The following SPAG17 variants were observed in gnomAD, a reference collection of about 807,000 sequenced individuals.
SPAG17 encodes the protein sperm-associated antigen 17.
In SPAG17, 169 loss-of-function variants were observed where a neutral mutation model predicts 273.6. That is an observed-to-expected ratio of 0.62 (90% confidence interval 0.55 to 0.70). The LOEUF is 0.70. Among genes scored for constraint, SPAG17 ranks in the 30% least tolerant of loss-of-function variants. SPAG17 has a pLI of 0.00. For missense variants in SPAG17, 2,557 were observed against 2,627.8 expected (o/e 0.97, Z 0.59); for synonymous variants, 825 against 873.2 (o/e 0.94, Z 0.97).
intron 3 of SPAG17, among the ~76,000 whole-genome samples, chr1:118,127,572 A>T (rs1442173521): frequency 7.2e-5 from 11 of 152,314 alleles, no homozygotes. Context: ...TGCCTCCAAC[A>T]GTGGGGGTTA....
chr1:117,979,947 T>C lies in SPAG17; in HGVS notation c.6004+1323A>G, dbSNP rs1350413635. Among the ~76,000 whole-genome samples the C allele has an allele frequency of 3.3e-5, 5 of 152,364 alleles. No individual in the cohort carries two copies. In the East Asian group the frequency reaches 9.6e-4, roughly 29 times the overall value. On this transcript the variant is annotated intron_variant, in intron 43 of 48. Transcript: ENST00000336338. ...GTCCATACATTGTACTGTTTTATTA[T>C]GTCATAATATTTATTACAACCTGAA...
rs781571632 is a variant in SPAG17, at chr1:118,028,288, C to A, written c.3716G>T (p.Gly1239Val). 6.2e-7 allele frequency: 1 copy of A among 1,613,488 alleles called. No individual in the cohort carries two copies. Among genetic ancestry groups the A allele is most frequent in the East Asian group, 2.2e-5 (1 of 44,868 alleles). Residue 1239 changes from glycine to valine, a missense_variant, in exon 26 of 49, where the codon GGA becomes GTA. Coordinates refer to ENST00000336338, the MANE Select transcript of SPAG17 (RefSeq NM_206996.4). ...ATAGCACTTACCTGTAGATTCTTGT[C>A]CAATGAAAGTCAACAGGAGCCCACT... ...CPSGLLLTFI[G>V]QESTGQYVID...
intron 34 of SPAG17, 144 bp downstream of exon 34, chr1:117,996,226 C>A: frequency 2.2e-6 from 2 of 894,488 alleles, no homozygotes; most frequent in South Asian, 2.2e-5. Context: ...TTCATGTCAA[C>A]TTATTTCTGC....
At chr1:118,052,723 T>G (rs935882750) in intron 20 of SPAG17, among the ~76,000 whole-genome samples, 1 of 151,982 alleles carries the variant, frequency 6.6e-6, no homozygotes, top group Non-Finnish European at 1.5e-5. Flanking sequence ...AAAGCCAACA[T>G]AACCTTAATA....
At chr1:117,964,155 T>C in intron 47 of SPAG17, 1 of 432,946 alleles carries the variant, frequency 2.3e-6, no homozygotes, top group South Asian at 3.9e-5. Context: ...AGTGTACATT[T>C]CTCTCCTAAC....
At chr1:118,078,432 A>T (rs1654279765) in intron 15 of SPAG17, among the ~76,000 whole-genome samples, 1 of 152,170 alleles carries the variant, frequency 6.6e-6, no homozygotes, top group Admixed American at 6.6e-5. Flanking sequence ...TCTTATGTGT[A>T]TCATTTAACA....
intron 25 of SPAG17, among the ~76,000 whole-genome samples, chr1:118,029,979 T>C (rs1438095927): frequency 6.6e-6 from 1 of 152,220 alleles, no homozygotes; most frequent in Non-Finnish European, 1.5e-5. Context: ...GATGCAAACC[T>C]GCCACGTCAA....
At chr1:118,128,708 G>A (rs1392781782) in intron 3 of SPAG17, among the ~76,000 whole-genome samples, 1 of 152,126 alleles carries the variant, frequency 6.6e-6, no homozygotes, top group Non-Finnish European at 1.5e-5. Flanking sequence ...CCCCAACACT[G>A]GAGCACTAGA....
At chr1:118,036,566 A>T (rs1387052610) in intron 24 of SPAG17, 2 of 321,936 alleles carry the variant, frequency 6.2e-6, no homozygotes, top group East Asian at 1.0e-4. Flanking sequence ...TGTATAAAAG[A>T]TTATATATAT....
At chr1:118,049,307 G>A (rs574788049) in intron 20 of SPAG17, among the ~76,000 whole-genome samples, 2 of 152,290 alleles carry the variant, frequency 1.3e-5, no homozygotes, top group South Asian at 2.1e-4. Flanking sequence ...GGTGATGTTA[G>A]ATGCAAAACT....
intron 38 of SPAG17, among the ~76,000 whole-genome samples, chr1:117,989,722 T>C (rs1656858052): frequency 6.6e-6 from 1 of 151,988 alleles, no homozygotes; most frequent in South Asian, 2.1e-4. Context: ...ACCACAGGCA[T>C]GCACCACTAC....
intron 36 of SPAG17, 106 bp from the exon 37 acceptor site, chr1:117,991,634 G>A (rs1657089321): frequency 4.8e-6 from 3 of 628,848 alleles, no homozygotes; most frequent in African/African-American, 1.9e-5. Context: ...AGAATATATA[G>A]GTTTACAGTG....
At position 117,996,430 on chromosome 1, in the gene SPAG17, A is replaced by G; in HGVS notation, c.4993T>C (p.Ser1665Pro). 6 of 1,613,158 alleles carry G rather than the reference A, an allele frequency of 3.7e-6. No individual in the cohort carries two copies. The highest frequency in any genetic ancestry group is 4.2e-6 in the Non-Finnish European group (5 of 1,179,432). Reference sequence around the variant, plus strand: ...GTATTTGATTCTTTATATGCCAAAGATAGATATTCTTCTATGTCACTGTCT... The same window carrying G: ...GTATTTGATTCTTTATATGCCAAAGGTAGATATTCTTCTATGTCACTGTCT... ...LRDSDIEEYL[S>P]LAYKESNTVV... Residue 1665 changes from serine (S) to proline (P), a missense_variant, in exon 34 of 49, where the codon TCT becomes CCT. Ser to Pro is a moderately conservative substitution (Grantham distance 74). Coordinates refer to ENST00000336338, the MANE Select transcript of SPAG17 (RefSeq NM_206996.4).
At chr1:118,153,959 GA>G (rs1428697357) in intron 1 of SPAG17, among the ~76,000 whole-genome samples, 1 of 152,206 alleles carries the variant, frequency 6.6e-6, no homozygotes, top group East Asian at 1.9e-4. Context: ...AGAGGTTAAA[GA>G]AATTTCCCAA....
chr1:118,133,759 C>T (rs1658186396), intron 3 of SPAG17, among the ~76,000 whole-genome samples: 1 of 152,172 alleles, frequency 6.6e-6, no homozygotes. Flanking sequence ...TTGTGCAGGG[C>T]CCGGACGATG....
In SPAG17 at chr1:118,086,639, G is replaced by C. The variant is rs141927235; in HGVS notation, c.1611+32C>G. 438 of 1,575,924 alleles carry C rather than the reference G, an allele frequency of 2.8e-4. 1 individual carries two copies. The African/African-American group carries it at 2.9e-3, about 10-fold the overall frequency. On this transcript the variant is annotated intron_variant, in intron 12 of 48. Coordinates refer to ENST00000336338, the MANE Select transcript of SPAG17 (RefSeq NM_206996.4). ...AGTTATAAACACACTTTCCCACATC[G>C]GTTTTCCTTGGGCTAACCTGATTAT...
chr1:117,987,137 G>T (rs565694614), intron 40 of SPAG17, among the ~76,000 whole-genome samples: 1 of 152,174 alleles, frequency 6.6e-6, no homozygotes, highest in South Asian at 2.1e-4. Context: ...ATTTATTTGG[G>T]TCTTCATTTC....
At chr1:118,181,571 C>T (rs997247346) in intron 1 of SPAG17, among the ~76,000 whole-genome samples, 1 of 152,106 alleles carries the variant, frequency 6.6e-6, no homozygotes, top group Non-Finnish European at 1.5e-5. Flanking sequence ...AATAAAGACA[C>T]TCAACATCAC....
chr1:117,971,661 A>G (rs1456432155), intron 45 of SPAG17: 6 of 424,646 alleles, frequency 1.4e-5, no homozygotes, highest in African/African-American at 6.1e-5. Context: ...TATCTACCAT[A>G]TAATTGGAAC....
Sources: gnomAD v4.1 joint callset for allele counts (sites outside exome capture counted in the v4.1 genomes callset) on GRCh38, gnomAD v4.1.1 for gene constraint, MANE v1.5 for transcripts, NCBI Gene and HGNC (gene_info 2026-07-23, HGNC 2026-07-21) for gene names.